Variants in CDH13 observed in about 807,000 individuals in gnomAD.
CDH13 encodes the protein cadherin-13.
Under a neutral mutation model 63.8 loss-of-function variants are expected in CDH13, and 24 were observed. That is an observed-to-expected ratio of 0.38 (90% CI 0.27 to 0.53). The LOEUF is 0.53. Among genes scored for constraint, CDH13 ranks in the 20% least tolerant of loss-of-function variants. The pLI is 0.85. For missense variants in CDH13, 1,049 were observed against 903.1 expected (o/e 1.16, Z -2.07); for synonymous variants, 503 against 355.3 (o/e 1.42, Z -4.67).
intron 4 of CDH13, among the ~76,000 whole-genome samples, chr16:83,173,832 CA>C (rs2038018928): frequency 6.6e-6 from 1 of 152,024 alleles, no homozygotes; most frequent in African/African-American, 2.4e-5. Context: ...TCCTAGCATC[CA>C]TCTTGCTGTC....
chr16:83,734,141 G>C (rs911386276), intron 10 of CDH13, among the ~76,000 whole-genome samples: 1 of 152,020 alleles, frequency 6.6e-6, no homozygotes, highest in Admixed American at 6.5e-5. Flanking sequence ...AAGACTGGAA[G>C]CACAAAAAAG....
intron 8 of CDH13, among the ~76,000 whole-genome samples, chr16:83,607,623 G>C (rs892029902): frequency 2.6e-5 from 4 of 152,158 alleles, no homozygotes; most frequent in East Asian, 1.9e-4. Flanking sequence ...GATGAACGAA[G>C]ATTGTACTTA....
Position 83,330,732 on chromosome 16 carries a change from G to A in CDH13, c.637-14130G>A, listed in dbSNP as rs76123202. Among the ~76,000 whole-genome samples, 1,023 of 152,272 alleles carry A rather than the reference G, an allele frequency of 6.7e-3. 6 individuals carry two copies. The highest frequency in any genetic ancestry group is 0.02 in the African/African-American group (832 of 41,548). ...GCACTGGTCCTGGGAATGGGGTGGCGTGGGGTCCATGACCTCAGCCCAAAT... is the reference window on the plus strand; with the variant it reads ...GCACTGGTCCTGGGAATGGGGTGGCATGGGGTCCATGACCTCAGCCCAAAT... On this transcript the variant is annotated intron_variant, in intron 5 of 13. Coordinates refer to ENST00000567109, the MANE Select transcript of CDH13 (RefSeq NM_001257.5).
At chr16:82,627,381 T>TGTGTGTGTGTGTGTGTGTGTG (rs1907444175) in intron 1 of CDH13, among the ~76,000 whole-genome samples, 1 of 140,012 alleles carries the variant, frequency 7.1e-6, no homozygotes, top group Non-Finnish European at 1.6e-5. Context: ...TGTGTGTGTG[T>TGTGTGTGTGTGTGTGTGTGTG]ACGTTCGTTA....
chr16:83,422,954 C>G (rs1270646977), intron 6 of CDH13, among the ~76,000 whole-genome samples: 1 of 152,112 alleles, frequency 6.6e-6, no homozygotes, highest in Non-Finnish European at 1.5e-5. Flanking sequence ...ATATGTAAAA[C>G]ACTATGCCAA....
intron 1 of CDH13, chr16:82,639,360 G>A (rs1392615620): frequency 6.5e-7 from 1 of 1,534,460 alleles, no homozygotes; most frequent in African/African-American, 1.4e-5. Context: ...TTTTGACCAG[G>A]GCCAAACAAC....
intron 7 of CDH13, among the ~76,000 whole-genome samples, chr16:83,507,156 T>C (rs1437047975): frequency 6.6e-6 from 1 of 152,246 alleles, no homozygotes; most frequent in African/African-American, 2.4e-5. Context: ...TGGTCTTCTT[T>C]GCATGACTCA....
Position 82,695,594 on chromosome 16 carries a change from G to A in CDH13, c.45+68457G>A, listed in dbSNP as rs535288240. 2.1e-4 allele frequency among the ~76,000 whole-genome samples: 32 copies of A among 152,262 alleles called. 1 individual carries two copies. The South Asian group carries it at 6.4e-3, about 31-fold the overall frequency. ...ACCATCTCATGGCATTGTTGGGTTA[G>A]GTATTCTCTGGGTCCACTCAAGCTT... On this transcript the variant is annotated intron_variant, in intron 1 of 13. Coordinates refer to ENST00000567109, the MANE Select transcript of CDH13 (RefSeq NM_001257.5).
chr16:82,833,584 T>C (rs1207656308), intron 1 of CDH13, among the ~76,000 whole-genome samples: 2 of 152,360 alleles, frequency 1.3e-5, no homozygotes, highest in Admixed American at 6.5e-5. Flanking sequence ...GGGCTTTCCA[T>C]TGCTTGTGCA....
chr16:83,316,048 G>C (rs2090098285), intron 5 of CDH13, among the ~76,000 whole-genome samples: 1 of 152,150 alleles, frequency 6.6e-6, no homozygotes, highest in Non-Finnish European at 1.5e-5. Context: ...TTACAATCAT[G>C]GTGGAAGGGG....
chr16:83,349,647 C>G (rs933454695), intron 6 of CDH13, among the ~76,000 whole-genome samples: 2 of 151,810 alleles, frequency 1.3e-5, no homozygotes, highest in African/African-American at 4.8e-5. Flanking sequence ...GTTGCCCAGG[C>G]TGGAGTGCAA....
intron 4 of CDH13, among the ~76,000 whole-genome samples, chr16:83,206,597 C>T (rs1047861992): frequency 1.3e-5 from 2 of 152,212 alleles, no homozygotes; most frequent in Admixed American, 1.3e-4. Context: ...CACTGTGTGC[C>T]AGAAACTGGG....
At chr16:83,770,842 T>A (rs1441524618) in intron 11 of CDH13, among the ~76,000 whole-genome samples, 1 of 152,124 alleles carries the variant, frequency 6.6e-6, no homozygotes, top group East Asian at 1.9e-4. Flanking sequence ...AGAAAGGTCT[T>A]TATGTCCTGT....
intron 2 of CDH13, among the ~76,000 whole-genome samples, chr16:82,871,944 C>A (rs148035352): frequency 2.0e-5 from 3 of 152,288 alleles, no homozygotes; most frequent in Admixed American, 2.0e-4. Flanking sequence ...CAAGGCTGAC[C>A]GTCCTTGGAC....
At chr16:82,956,544 C>G (rs756760184) in intron 2 of CDH13, among the ~76,000 whole-genome samples, 1 of 152,130 alleles carries the variant, frequency 6.6e-6, no homozygotes. Context: ...TATATCCTGC[C>G]ACACCCTTTG....
chr16:83,528,655 C>T (rs892797328), intron 7 of CDH13, among the ~76,000 whole-genome samples: 2 of 152,184 alleles, frequency 1.3e-5, no homozygotes, highest in African/African-American at 4.8e-5. Context: ...CTCTAAATTT[C>T]CCAACTATCT....
rs923871329 is a variant in CDH13, at chr16:83,797,944, A to T, written c.*2914A>T. ...AATTTCAATAAAAGTCACCTTCAAT[A>T]CCGCCAGTTCTCTCCAAATGAGCAT... On this transcript the variant is annotated 3_prime_UTR_variant, in exon 14 of 14. Coordinates refer to ENST00000567109, the MANE Select transcript of CDH13 (RefSeq NM_001257.5). The T allele has an allele frequency of 6.6e-6, 1 of 152,210 alleles. No individual in the cohort carries two copies. Among genetic ancestry groups the T allele is most frequent in the African/African-American group, 2.4e-5 (1 of 41,450 alleles). The allele number at this position is 152,210 out of a possible 1,614,324, so 9.4% of individuals were successfully genotyped here. A position where few individuals can be genotyped will look rare whatever the true frequency, so the allele number is the denominator to read the frequency against.
intron 1 of CDH13, among the ~76,000 whole-genome samples, chr16:82,732,495 C>T (rs1286661581): frequency 2.0e-5 from 3 of 152,126 alleles, no homozygotes; most frequent in African/African-American, 7.2e-5. Context: ...TAAAGACCAG[C>T]CAGGACAAAT....
At chr16:82,813,908 T>C (rs1218058280) in intron 1 of CDH13, among the ~76,000 whole-genome samples, 1 of 152,112 alleles carries the variant, frequency 6.6e-6, no homozygotes, top group Non-Finnish European at 1.5e-5. Flanking sequence ...TCTGAGTCAG[T>C]TTTATCATCC....
Sources: allele counts gnomAD v4.1 joint callset (sites outside exome capture counted in the v4.1 genomes callset), GRCh38; gene constraint gnomAD v4.1.1; transcripts MANE v1.5; gene names NCBI Gene and HGNC (gene_info 2026-07-23, HGNC 2026-07-21).